The following LRRTM4 variants were observed in gnomAD, a reference collection of about 807,000 sequenced individuals.
The protein encoded by LRRTM4 is leucine-rich repeat transmembrane neuronal protein 4.
In LRRTM4, 25 loss-of-function variants were observed where a neutral mutation model predicts 47.6. The ratio of observed to expected loss-of-function variants is 0.53; its 90% CI spans 0.38 to 0.73. LRRTM4 has a LOEUF of 0.73. Ranked by LOEUF, LRRTM4 falls within the 30% of genes least tolerant of loss-of-function variation. LRRTM4 has a pLI of 0.00. For missense variants in LRRTM4, 638 were observed against 713.4 expected (o/e 0.89, Z 1.20); for synonymous variants, 311 against 269.5 (o/e 1.15, Z -1.51).
intron 3 of LRRTM4, among the ~76,000 whole-genome samples, chr2:77,037,796 AATG>A (rs756230675): frequency 5.3e-5 from 8 of 151,704 alleles, no homozygotes; most frequent in Non-Finnish European, 8.9e-5. Flanking sequence ...TTTGCATGCA[AATG>A]ATAATAGATT....
At chr2:76,812,699 T>TTTC (rs1670772244) in intron 3 of LRRTM4, among the ~76,000 whole-genome samples, 1 of 134,064 alleles carries the variant, frequency 7.5e-6, no homozygotes, top group African/African-American at 2.7e-5. Context: ...TTCTTTCTTT[T>TTTC]CTTTCTTTAT....
At chr2:77,110,506 TA>T (rs1285776973) in intron 3 of LRRTM4, among the ~76,000 whole-genome samples, 2 of 152,160 alleles carry the variant, frequency 1.3e-5, no homozygotes, top group African/African-American at 4.8e-5. Context: ...ATTAACACTT[TA>T]AAAATGGATT....
At chr2:77,228,394 C>CA (rs1210075288) in intron 3 of LRRTM4, among the ~76,000 whole-genome samples, 14 of 152,244 alleles carry the variant, frequency 9.2e-5, no homozygotes, top group African/African-American at 3.4e-4. Flanking sequence ...GTAGACTGGT[C>CA]ACTCAGCAAA....
chr2:77,353,930 T>C lies in LRRTM4; in HGVS notation c.1551+164388A>G, dbSNP rs186007102. On this transcript the variant is annotated intron_variant, in intron 3 of 3. Transcript: ENST00000409884. ...AAACAGCTTTATCAAGGCAGCAGTG[T>C]TACAGTTCCATGACTGCATCTGTAG... Among the ~76,000 whole-genome samples the C allele has an allele frequency of 7.8e-3, 1,186 of 152,284 alleles. 8 individuals carry two copies. Among genetic ancestry groups the C allele is most frequent in the Non-Finnish European group, 0.013 (898 of 68,014 alleles).
intron 3 of LRRTM4, among the ~76,000 whole-genome samples, chr2:77,400,523 C>T (rs1476974012): frequency 6.6e-6 from 1 of 151,868 alleles, no homozygotes; most frequent in Non-Finnish European, 1.5e-5. Context: ...GCTGACAAGT[C>T]TCCTTGCTTC....
chr2:76,974,483 T>C lies in LRRTM4; in HGVS notation c.1552-225567A>G, dbSNP rs1676350829. 4.6e-5 allele frequency among the ~76,000 whole-genome samples: 7 copies of C among 150,700 alleles called. No individual in the cohort carries two copies. In the South Asian group the frequency reaches 1.5e-3, roughly 31 times the overall value. ...TTTATAATATTAACTAAACTCCTAC[T>C]ATCTATACAAACTTGTAATAAAACA... is the stretch of plus-strand genomic sequence containing the variant. On this transcript the variant is annotated intron_variant, in intron 3 of 3. Coordinates refer to ENST00000409884, the MANE Select transcript of LRRTM4 (RefSeq NM_001134745.3).
At chr2:77,261,591 C>T (rs549253431) in intron 3 of LRRTM4, among the ~76,000 whole-genome samples, 1 of 152,004 alleles carries the variant, frequency 6.6e-6, no homozygotes, top group South Asian at 2.1e-4. Context: ...ATTGCTAAAC[C>T]TAGCCTTTCC....
chr2:77,130,312 C>T (rs1671761507), intron 3 of LRRTM4, among the ~76,000 whole-genome samples: 2 of 151,890 alleles, frequency 1.3e-5, no homozygotes, highest in African/African-American at 4.8e-5. Flanking sequence ...ATCCAGAAGG[C>T]AATATTCTTT....
At chr2:76,907,393 A>G (rs533704784) in intron 3 of LRRTM4, among the ~76,000 whole-genome samples, 43 of 151,280 alleles carry the variant, frequency 2.8e-4, no homozygotes, top group African/African-American at 8.5e-4. Flanking sequence ...AAAAGCAGGA[A>G]AGATCCAAAA....
At chr2:77,478,483 T>G (rs1677524074) in intron 3 of LRRTM4, among the ~76,000 whole-genome samples, 1 of 152,218 alleles carries the variant, frequency 6.6e-6, no homozygotes, top group South Asian at 2.1e-4. Context: ...AGATCAGCAG[T>G]TAGCATTTTA....
At chr2:76,779,548 T>C (rs1017718953) in intron 3 of LRRTM4, among the ~76,000 whole-genome samples, 4 of 146,398 alleles carry the variant, frequency 2.7e-5, no homozygotes, top group African/African-American at 7.8e-5. Flanking sequence ...TCTTTGTTGG[T>C]TTAAAGTCTG....
intron 3 of LRRTM4, among the ~76,000 whole-genome samples, chr2:77,257,227 T>C (rs1272765508): frequency 1.3e-5 from 2 of 151,956 alleles, no homozygotes; most frequent in East Asian, 3.9e-4. Flanking sequence ...TTTTCCTAAG[T>C]CTGGGAATAA....
At chr2:77,403,477 G>A (rs2103841339) in intron 3 of LRRTM4, among the ~76,000 whole-genome samples, 1 of 151,688 alleles carries the variant, frequency 6.6e-6, no homozygotes, top group Admixed American at 6.6e-5. Flanking sequence ...AGATAAATGA[G>A]AAGTAAAGAA....
At chr2:77,368,177 C>T (rs956296681) in intron 3 of LRRTM4, among the ~76,000 whole-genome samples, 1 of 151,640 alleles carries the variant, frequency 6.6e-6, no homozygotes, top group Non-Finnish European at 1.5e-5. Flanking sequence ...CATCCAGGAA[C>T]AGGTGTGGGC....
chr2:77,103,523 C>G (rs555505937), intron 3 of LRRTM4, among the ~76,000 whole-genome samples: 1 of 151,980 alleles, frequency 6.6e-6, no homozygotes, highest in Admixed American at 6.6e-5. Context: ...AAAAAGCGGA[C>G]CAAGTTTTGA....
intron 3 of LRRTM4, among the ~76,000 whole-genome samples, chr2:77,065,474 C>T (rs72807203): frequency 0.19 from 29,336 of 152,032 alleles, 3,005 homozygotes; most frequent in African/African-American, 0.26. Flanking sequence ...TCAACATTGC[C>T]GTAGAGGATG....
chr2:77,274,463 A>C (rs770397635), intron 3 of LRRTM4, among the ~76,000 whole-genome samples: 3 of 152,136 alleles, frequency 2.0e-5, no homozygotes, highest in Admixed American at 6.6e-5. Context: ...TTTTTATTTA[A>C]AGAACTAACA....
At chr2:77,178,492 A>G (rs1369488101) in intron 3 of LRRTM4, among the ~76,000 whole-genome samples, 2 of 151,998 alleles carry the variant, frequency 1.3e-5, no homozygotes, top group Non-Finnish European at 2.9e-5. Context: ...AGGCTGAGGC[A>G]GGAGAATCGC....
intron 3 of LRRTM4, among the ~76,000 whole-genome samples, chr2:76,946,599 G>C (rs917285365): frequency 1.3e-5 from 2 of 151,716 alleles, no homozygotes; most frequent in African/African-American, 4.8e-5. Context: ...ACTCAATTTT[G>C]TCATGGTTAA....
Sources: allele counts gnomAD v4.1 joint callset (sites outside exome capture counted in the v4.1 genomes callset), GRCh38; gene constraint gnomAD v4.1.1; transcripts MANE v1.5; gene names NCBI Gene and HGNC (gene_info 2026-07-23, HGNC 2026-07-21).